SAMD5: variants seen among roughly 807,000 people sequenced by gnomAD.
The protein encoded by SAMD5 is sterile alpha motif domain-containing protein 5.
SAMD5 carries 13 observed loss-of-function variants against 11.3 expected under a neutral mutation model. The ratio of observed to expected loss-of-function variants is 1.15; its 90% CI spans 0.75 to 1.83. The LOEUF (loss-of-function observed/expected upper bound fraction) is 1.83. Among genes scored for constraint, SAMD5 ranks in the 40% most tolerant of loss-of-function variants. The pLI is 0.00. For missense variants in SAMD5, 255 were observed against 239.1 expected (o/e 1.07, Z -0.44); for synonymous variants, 129 against 111.3 (o/e 1.16, Z -1.00).
the SAMD5 span, among the ~76,000 whole-genome samples, chr6:147,915,515 C>T: frequency 1.3e-5 from 2 of 152,076 alleles, no homozygotes; most frequent in Non-Finnish European, 2.9e-5. Context: ...CTTTGGTTTC[C>T]TCATTAGAGA....
the SAMD5 span, among the ~76,000 whole-genome samples, chr6:147,826,568 C>T: frequency 2.0e-5 from 3 of 152,180 alleles, no homozygotes; most frequent in Admixed American, 2.0e-4. Flanking sequence ...AACAAAGCAT[C>T]GTGAGGATGA....
At chr6:147,911,071 C>A in the SAMD5 span, among the ~76,000 whole-genome samples, 1 of 152,130 alleles carries the variant, frequency 6.6e-6, no homozygotes, top group Non-Finnish European at 1.5e-5. Flanking sequence ...TAGCCTGTTA[C>A]CTCTGGGCAA....
the SAMD5 span, among the ~76,000 whole-genome samples, chr6:147,750,077 A>T: frequency 7.2e-5 from 11 of 152,200 alleles, no homozygotes; most frequent in Admixed American, 5.9e-4. Flanking sequence ...ATTGGCACAT[A>T]TGGGAGCTTT....
chr6:147,879,772 A>C, the SAMD5 span, among the ~76,000 whole-genome samples: 1 of 152,220 alleles, frequency 6.6e-6, no homozygotes, highest in East Asian at 1.9e-4. Context: ...GCAAATAAGC[A>C]TGTTCACCTA....
At chr6:147,748,659 T>C in the SAMD5 span, among the ~76,000 whole-genome samples, 3 of 151,988 alleles carry the variant, frequency 2.0e-5, no homozygotes, top group Admixed American at 2.0e-4. Flanking sequence ...AAAAGGGATG[T>C]ATGAAAAAGA....
the SAMD5 span, among the ~76,000 whole-genome samples, chr6:147,775,532 A>G: frequency 6.6e-6 from 1 of 152,210 alleles, no homozygotes; most frequent in African/African-American, 2.4e-5. Context: ...CCCAATATGC[A>G]TATCAAATAA....
chr6:147,936,653 C>T, the SAMD5 span, among the ~76,000 whole-genome samples: 3 of 152,058 alleles, frequency 2.0e-5, no homozygotes, highest in South Asian at 2.1e-4. Context: ...ATCCAAACTA[C>T]GTCAACCATC....
At chr6:147,556,901 C>A (rs1290344707) in intron 1 of SAMD5, among the ~76,000 whole-genome samples, 1 of 152,118 alleles carries the variant, frequency 6.6e-6, no homozygotes, top group East Asian at 1.9e-4. Context: ...TCTTGTCTTG[C>A]AATTTAAAAT....
intron 1 of SAMD5, among the ~76,000 whole-genome samples, chr6:147,688,138 C>T (rs907014063): frequency 6.6e-6 from 1 of 151,604 alleles, no homozygotes; most frequent in African/African-American, 2.4e-5. Flanking sequence ...TTTCTGTTTT[C>T]CTTCTTTCTT....
the SAMD5 span, among the ~76,000 whole-genome samples, chr6:147,861,457 C>G: frequency 1.2e-4 from 18 of 152,126 alleles, no homozygotes; most frequent in Non-Finnish European, 2.6e-4. Flanking sequence ...TGAGCCACCA[C>G]GCCCAACCCA....
At chr6:147,579,985 T>C (rs1789273562) in intron 1 of SAMD5, among the ~76,000 whole-genome samples, 1 of 152,224 alleles carries the variant, frequency 6.6e-6, no homozygotes, top group Non-Finnish European at 1.5e-5. Context: ...GTGTGGGCAA[T>C]TGAATGCTGG....
intron 1 of SAMD5, among the ~76,000 whole-genome samples, chr6:147,617,569 A>G (rs1386331368): frequency 6.6e-6 from 1 of 152,276 alleles, no homozygotes; most frequent in Admixed American, 6.5e-5. Context: ...TGCATCAGCT[A>G]CATGGCAGTA....
chr6:147,917,283 T>A, the SAMD5 span, among the ~76,000 whole-genome samples: 10 of 146,312 alleles, frequency 6.8e-5, no homozygotes, highest in African/African-American at 2.6e-4. Flanking sequence ...ATTGTGGTTT[T>A]GATTTGCATT....
At chr6:147,601,122 C>G (rs983259567) in intron 1 of SAMD5, among the ~76,000 whole-genome samples, 4 of 152,184 alleles carry the variant, frequency 2.6e-5, no homozygotes, top group Non-Finnish European at 4.4e-5. Flanking sequence ...TGACCCCAGA[C>G]AGATGCGACC....
rs554078751 is a variant in SAMD5, at chr6:147,568,964, C to T, written c.*4508C>T. ...AAAAATGGCTGGGCACGGTGGCTCA[C>T]GCCTGTAATCCCAGCACTTTGGGAG... On this transcript the variant is annotated 3_prime_UTR_variant, in exon 2 of 2. Transcript: ENST00000367474. 1.6e-4 allele frequency: 143 copies of T among 881,966 alleles called. No homozygotes were observed. In the African/African-American group the frequency reaches 2.0e-3, roughly 12 times the overall value. The allele number at this position is 881,966 out of a possible 1,614,324, so 54.6% of individuals were successfully genotyped here.
At chr6:147,621,532 C>T (rs1171408466) in intron 1 of SAMD5, among the ~76,000 whole-genome samples, 2 of 152,210 alleles carry the variant, frequency 1.3e-5, no homozygotes, top group African/African-American at 4.8e-5. Flanking sequence ...AGCTATCCCC[C>T]ATCCCAGAGA....
At chr6:147,538,187 T>G (rs1583073224) in intron 1 of SAMD5, among the ~76,000 whole-genome samples, 1 of 152,316 alleles carries the variant, frequency 6.6e-6, no homozygotes, top group East Asian at 1.9e-4. Flanking sequence ...TTTAGTGTTT[T>G]AACCTATGGA....
At chr6:147,820,364 C>T in the SAMD5 span, among the ~76,000 whole-genome samples, 2 of 152,118 alleles carry the variant, frequency 1.3e-5, no homozygotes, top group Admixed American at 6.5e-5. Context: ...AAAGAAAGCC[C>T]AATTATTCTT....
intron 1 of SAMD5, among the ~76,000 whole-genome samples, chr6:147,601,468 C>T (rs953045796): frequency 1.7e-4 from 26 of 150,984 alleles, no homozygotes; most frequent in African/African-American, 6.3e-4. Context: ...TTGTATCTGA[C>T]TGTAACTTGT....
Sources: allele counts gnomAD v4.1 joint callset (sites outside exome capture counted in the v4.1 genomes callset), GRCh38; gene constraint gnomAD v4.1.1; transcripts MANE v1.5; gene names NCBI Gene and HGNC (gene_info 2026-07-23, HGNC 2026-07-21).